ZNF532: variants seen among roughly 807,000 people sequenced by gnomAD.
ZNF532 encodes the protein zinc finger protein 532.
A neutral mutation model predicts 89.3 loss-of-function variants in ZNF532; 22 were observed. The observed-to-expected ratio is 0.25, with a 90% CI of 0.18 to 0.35. The LOEUF is 0.35. Ranked by LOEUF, ZNF532 falls within the 10% of genes least tolerant of loss-of-function variation. The pLI is 1.00. For missense variants in ZNF532, 1,132 were observed against 1,643.4 expected (o/e 0.69, Z 5.38); for synonymous variants, 606 against 649.6 (o/e 0.93, Z 1.02).
intron 7 of ZNF532, among the ~76,000 whole-genome samples, chr18:58,970,145 A>G (rs1256050379): frequency 6.6e-6 from 1 of 152,088 alleles, no homozygotes; most frequent in Non-Finnish European, 1.5e-5. Flanking sequence ...CGGCCTCCCA[A>G]AGTCCTGGGA....
chr18:58,959,266 TTTTG>T (rs2065108191), intron 7 of ZNF532, among the ~76,000 whole-genome samples: 1 of 147,336 alleles, frequency 6.8e-6, no homozygotes, highest in African/African-American at 2.6e-5. Context: ...TTTTGTTTTT[TTTTG>T]TTTTTTTTTG....
At chr18:58,878,291 G>T (rs2057605406) in intron 2 of ZNF532, among the ~76,000 whole-genome samples, 1 of 152,030 alleles carries the variant, frequency 6.6e-6, no homozygotes, top group South Asian at 2.1e-4. Flanking sequence ...AAAACCACTG[G>T]GCAGGTAGAC....
rs185854631 is a variant in ZNF532 at position 58,888,544 on chromosome 18, C to T, written c.-18+22965C>T. The stretch of plus-strand genomic sequence containing the variant: ...ACAAAAAATTAGCTGGGTGTGGTGA[C>T]GCACGCCTGTAACCCCAGCTACTTG... On this transcript the variant is annotated intron_variant, in intron 2 of 9. Coordinates refer to ENST00000591808, the MANE Select transcript of ZNF532 (RefSeq NM_001375912.1). Among the ~76,000 whole-genome samples, 18 of 148,640 alleles carry T rather than the reference C, an allele frequency of 1.2e-4. No homozygotes were observed. In the East Asian group the frequency reaches 3.0e-3, roughly 25 times the overall value.
intron 3 of ZNF532, among the ~76,000 whole-genome samples, chr18:58,928,087 TATC>T (rs571672041): frequency 6.6e-6 from 1 of 152,318 alleles, no homozygotes; most frequent in Non-Finnish European, 1.5e-5. Context: ...TTTCCCTTGT[TATC>T]ATTTTCTATT....
rs141943262 is a variant in ZNF532 at position 58,918,043 on chromosome 18, C to T, written c.-17-228C>T. 2.0e-4 allele frequency among the ~76,000 whole-genome samples: 30 copies of T among 152,254 alleles called. No homozygotes were observed. The East Asian group carries it at 2.1e-3, about 11-fold the overall frequency. ...TAGCTGGGAGCCACGCTGGTAACAC[C>T]GTATAGCAGTGTGGAGGGCTTACTT... On this transcript the variant is annotated intron_variant, in intron 2 of 9. Coordinates refer to ENST00000591808, the MANE Select transcript of ZNF532 (RefSeq NM_001375912.1).
chr18:58,958,947 G>T (rs1471730108), intron 7 of ZNF532, among the ~76,000 whole-genome samples: 1 of 152,084 alleles, frequency 6.6e-6, no homozygotes, highest in Non-Finnish European at 1.5e-5. Context: ...AGGCCTTTTA[G>T]GAACCAAACT....
chr18:58,980,066 C>G (rs1471047875), intron 8 of ZNF532: 1 of 152,206 alleles, frequency 6.6e-6, no homozygotes, highest in Non-Finnish European at 1.5e-5. Context: ...GACCCTGAGG[C>G]TAAAGCACTG....
At chr18:58,976,617 G>A (rs1441461916) in intron 7 of ZNF532, among the ~76,000 whole-genome samples, 1 of 151,306 alleles carries the variant, frequency 6.6e-6, no homozygotes, top group African/African-American at 2.4e-5. Context: ...TGATCTTCTC[G>A]GCTCACTGCA....
chr18:58,898,542 C>T (rs749531578), intron 2 of ZNF532, among the ~76,000 whole-genome samples: 5 of 152,254 alleles, frequency 3.3e-5, no homozygotes, highest in Non-Finnish European at 7.3e-5. Flanking sequence ...CAGAGTCTAA[C>T]AGACAGCCTC....
chr18:58,889,607 C>G (rs958044786), intron 2 of ZNF532, among the ~76,000 whole-genome samples: 2 of 151,586 alleles, frequency 1.3e-5, no homozygotes, highest in Non-Finnish European at 2.9e-5. Context: ...TGAGACCAGC[C>G]TGGCCAATAT....
intron 5 of ZNF532, among the ~76,000 whole-genome samples, chr18:58,942,320 C>CCTCT (rs1374573243): frequency 2.7e-5 from 1 of 36,776 alleles, no homozygotes; most frequent in Non-Finnish European, 4.7e-5. Flanking sequence ...CCGCGCCTGG[C>CCTCT]CCCTCCCTCC....
chr18:58,866,119 G>A (rs971820450), intron 2 of ZNF532, among the ~76,000 whole-genome samples: 1 of 152,164 alleles, frequency 6.6e-6, no homozygotes, highest in Admixed American at 6.5e-5. Flanking sequence ...TGTTGACGGT[G>A]AGTTCGCCAT....
intron 2 of ZNF532, among the ~76,000 whole-genome samples, chr18:58,881,900 A>G (rs1449747778): frequency 6.6e-6 from 1 of 152,156 alleles, no homozygotes; most frequent in East Asian, 1.9e-4. Context: ...ACTTGTGTGC[A>G]TTTTACAATA....
chr18:58,965,021 A>G (rs1003986276), intron 7 of ZNF532, among the ~76,000 whole-genome samples: 39 of 148,810 alleles, frequency 2.6e-4, no homozygotes, highest in Admixed American at 1.0e-3. Context: ...AATTTTTAAT[A>G]CTAACTTTTA....
At position 58,985,124 on chromosome 18, in the gene ZNF532, G is replaced by T. The variant is rs182669243; in HGVS notation, c.*658G>T. 2 of 150,858 alleles carry T rather than the reference G, an allele frequency of 1.3e-5. No individual in the cohort carries two copies. The highest frequency in any genetic ancestry group is 4.9e-5 in the African/African-American group (2 of 40,486). 9.3% of individuals were successfully genotyped at this position (150,858 alleles called of 1,614,324 possible). ...TTCCCAGCCGTGGATAAAAACTGAA[G>T]CTAGGAATCTAATAAGGAATGCTGA... On this transcript the variant is annotated 3_prime_UTR_variant, in exon 10 of 10. Coordinates refer to ENST00000591808, the MANE Select transcript of ZNF532 (RefSeq NM_001375912.1).
intron 3 of ZNF532, among the ~76,000 whole-genome samples, chr18:58,921,447 T>G (rs1034767007): frequency 6.6e-6 from 1 of 152,252 alleles, no homozygotes; most frequent in Non-Finnish European, 1.5e-5. Flanking sequence ...CATTTATCAG[T>G]ACCCATTTCT....
intron 7 of ZNF532, among the ~76,000 whole-genome samples, chr18:58,963,881 A>G (rs2065633983): frequency 1.3e-5 from 2 of 151,860 alleles, no homozygotes; most frequent in Non-Finnish European, 2.9e-5. Context: ...GAACCTAGCC[A>G]TGTGTATGAA....
At chr18:58,922,650 G>A (rs1307839805) in intron 3 of ZNF532, among the ~76,000 whole-genome samples, 3 of 152,186 alleles carry the variant, frequency 2.0e-5, no homozygotes, top group African/African-American at 7.2e-5. Flanking sequence ...CTAACAGGAT[G>A]CAGTAAAAAA....
intron 2 of ZNF532, among the ~76,000 whole-genome samples, chr18:58,868,770 A>G (rs1285127051): frequency 2.0e-5 from 3 of 152,238 alleles, no homozygotes; most frequent in Non-Finnish European, 2.9e-5. Flanking sequence ...TTGTGTGAAC[A>G]TAAGTTTTTA....
Sources: allele counts gnomAD v4.1 joint callset (sites outside exome capture counted in the v4.1 genomes callset), GRCh38; gene constraint gnomAD v4.1.1; transcripts MANE v1.5; gene names NCBI Gene and HGNC (gene_info 2026-07-23, HGNC 2026-07-21).